EPHA3: variants seen among roughly 807,000 people sequenced by gnomAD.
EPHA3 encodes the protein ephrin type-A receptor 3.
EPHA3 carries 42 observed loss-of-function variants against 107.1 expected under a neutral mutation model. The observed-to-expected ratio is 0.39, with a 90% CI of 0.31 to 0.51. The LOEUF (loss-of-function observed/expected upper bound fraction) is 0.51. Among genes scored for constraint, EPHA3 ranks in the 20% least tolerant of loss-of-function variants. The probability of loss-of-function intolerance (pLI) is 0.78; values close to 1 mark genes in which losing one functional copy is unlikely to be tolerated. For synonymous variants in EPHA3, 461 were observed against 424.8 expected, an observed-to-expected ratio of 1.09 and a Z score of -1.05; for missense variants, 1,183 against 1,211.2, an observed-to-expected ratio of 0.98 and a Z score of 0.35.
At chr3:89,182,849 A>T (rs1388376353) in intron 2 of EPHA3, among the ~76,000 whole-genome samples, 2 of 151,938 alleles carry the variant, frequency 1.3e-5, no homozygotes, top group African/African-American at 4.8e-5. Context: ...CCTCTAAGTA[A>T]TATAAAAATC....
At chr3:89,440,789 A>C (rs1177912402) in intron 13 of EPHA3, among the ~76,000 whole-genome samples, 1 of 152,162 alleles carries the variant, frequency 6.6e-6, no homozygotes, top group East Asian at 1.9e-4. Context: ...TAGCATCTTT[A>C]CCTGTAGCAC....
At chr3:89,434,272 C>A (rs1268103308) in intron 13 of EPHA3, among the ~76,000 whole-genome samples, 1 of 152,086 alleles carries the variant, frequency 6.6e-6, no homozygotes, top group Non-Finnish European at 1.5e-5. Context: ...TGCTGGAGTG[C>A]AGTGGCGCAG....
chr3:89,442,700 T>G (rs1239280325), intron 13 of EPHA3, among the ~76,000 whole-genome samples: 6 of 152,150 alleles, frequency 3.9e-5, no homozygotes, highest in Non-Finnish European at 8.8e-5. Context: ...CTCAGGTACT[T>G]TCTATTTTTT....
At chr3:89,121,411 T>C (rs1265859695) in intron 1 of EPHA3, among the ~76,000 whole-genome samples, 2 of 152,178 alleles carry the variant, frequency 1.3e-5, no homozygotes, top group African/African-American at 2.4e-5. Flanking sequence ...ACTTCGTTTA[T>C]AGTACAACAT....
chr3:89,440,803 A>G (rs2107545956), intron 13 of EPHA3, among the ~76,000 whole-genome samples: 1 of 152,324 alleles, frequency 6.6e-6, no homozygotes, highest in Non-Finnish European at 1.5e-5. Flanking sequence ...GTAGCACTTT[A>G]TTCATCTCCT....
At chr3:89,146,735 G>A (rs1704567453) in intron 2 of EPHA3, among the ~76,000 whole-genome samples, 1 of 151,852 alleles carries the variant, frequency 6.6e-6, no homozygotes, top group Non-Finnish European at 1.5e-5. Flanking sequence ...TGTCCTGAAT[G>A]GTATTGCCTA....
chr3:89,286,152 G>T (rs895956280), intron 3 of EPHA3, among the ~76,000 whole-genome samples: 2 of 151,108 alleles, frequency 1.3e-5, no homozygotes, highest in Non-Finnish European at 2.9e-5. Context: ...GTGTGTGTGT[G>T]TGTGTGTGTT....
At chr3:89,222,898 C>G (rs1292945002) in intron 3 of EPHA3, among the ~76,000 whole-genome samples, 2 of 152,106 alleles carry the variant, frequency 1.3e-5, no homozygotes, top group Non-Finnish European at 2.9e-5. Flanking sequence ...AGTATCTGAC[C>G]TGGTTGTTCT....
intron 3 of EPHA3, among the ~76,000 whole-genome samples, chr3:89,232,543 C>T (rs907823175): frequency 2.0e-5 from 3 of 152,126 alleles, no homozygotes; most frequent in African/African-American, 7.2e-5. Flanking sequence ...AACAATATAA[C>T]CATACCTTCT....
intron 3 of EPHA3, among the ~76,000 whole-genome samples, chr3:89,337,589 G>T (rs1245258845): frequency 6.6e-6 from 1 of 152,142 alleles, no homozygotes; most frequent in Non-Finnish European, 1.5e-5. Context: ...TTCATTCGTG[G>T]TTAAAGCCTA....
rs113815032 is a variant in EPHA3 at position 89,456,604 on chromosome 3, G to A, written c.2690+6234G>A. On this transcript the variant is annotated intron_variant, in intron 15 of 16. Coordinates refer to ENST00000336596, the MANE Select transcript of EPHA3 (RefSeq NM_005233.6). ...CAGTACCATTCTCAAAGAATCTTCCGCTTAGAGTGTCTCCATGAATATCGT... is the reference window on the plus strand; with the variant it reads ...CAGTACCATTCTCAAAGAATCTTCCACTTAGAGTGTCTCCATGAATATCGT... 8.2e-3 allele frequency among the ~76,000 whole-genome samples: 1,244 copies of A among 152,212 alleles called. 13 individuals are homozygous for A. Among genetic ancestry groups the A allele is most frequent in the African/African-American group, 0.022 (919 of 41,538 alleles).
chr3:89,123,696 T>G (rs538017191), intron 1 of EPHA3, among the ~76,000 whole-genome samples: 13 of 152,318 alleles, frequency 8.5e-5, no homozygotes, highest in African/African-American at 3.1e-4. Flanking sequence ...CTTAAGATGG[T>G]GTTTTCCAAA....
chr3:89,299,779 G>T (rs1285466540), intron 3 of EPHA3, among the ~76,000 whole-genome samples: 1 of 151,960 alleles, frequency 6.6e-6, no homozygotes, highest in African/African-American at 2.4e-5. Flanking sequence ...AAAATGTATT[G>T]GGCAGGAGTT....
chr3:89,287,878 C>G (rs1706126362), intron 3 of EPHA3, among the ~76,000 whole-genome samples: 1 of 151,970 alleles, frequency 6.6e-6, no homozygotes, highest in African/African-American at 2.4e-5. Flanking sequence ...CTTGTGTTTT[C>G]TTTAGAAGTA....
At position 89,238,803 on chromosome 3, in the gene EPHA3, C is replaced by G. The variant is rs370543454; in HGVS notation, c.814+28283C>G. Among the ~76,000 whole-genome samples the G allele has an allele frequency of 4.6e-5, 7 of 152,004 alleles. 1 individual carries two copies. In the East Asian group the frequency reaches 5.8e-4, roughly 13 times the overall value. ...ATGCCAAATACTTGTAAAACAATAGCAAATATTTAAAATTAAACTACTCAT... is the reference window on the plus strand; with the variant it reads ...ATGCCAAATACTTGTAAAACAATAGGAAATATTTAAAATTAAACTACTCAT... On this transcript the variant is annotated intron_variant, in intron 3 of 16. Transcript: ENST00000336596.
chr3:89,438,189 A>G (rs1709711351), intron 13 of EPHA3, among the ~76,000 whole-genome samples: 1 of 151,218 alleles, frequency 6.6e-6, no homozygotes, highest in Admixed American at 6.6e-5. Flanking sequence ...GCTCACTGCA[A>G]GCTCTGCCTC....
intron 3 of EPHA3, among the ~76,000 whole-genome samples, chr3:89,337,725 T>G (rs1489247512): frequency 6.6e-6 from 1 of 152,210 alleles, no homozygotes; most frequent in Non-Finnish European, 1.5e-5. Context: ...TCTAAGGATC[T>G]TTTAGCTCCA....
At chr3:89,347,768 T>G (rs1333654079) in intron 5 of EPHA3, among the ~76,000 whole-genome samples, 1 of 150,642 alleles carries the variant, frequency 6.6e-6, no homozygotes, top group Admixed American at 6.6e-5. Context: ...AGATAGCTCT[T>G]ATCATTTTGA....
At chr3:89,196,829 C>T (rs1705846886) in intron 2 of EPHA3, among the ~76,000 whole-genome samples, 1 of 152,140 alleles carries the variant, frequency 6.6e-6, no homozygotes, top group African/African-American at 2.4e-5. Flanking sequence ...ACATTCAACA[C>T]TTTTCTCTCA....
Sources: allele counts gnomAD v4.1 joint callset (sites outside exome capture counted in the v4.1 genomes callset), GRCh38; gene constraint gnomAD v4.1.1; transcripts MANE v1.5; gene names NCBI Gene and HGNC (gene_info 2026-07-23, HGNC 2026-07-21).